ZNF136: variants seen among roughly 807,000 people sequenced by gnomAD.
ZNF136 encodes zinc finger protein 136 (clone pHZ-20).
In ZNF136, 8 loss-of-function variants were observed where a neutral mutation model predicts 11.4. The observed-to-expected ratio is 0.70, with a 90% confidence interval of 0.41 to 1.27. The LOEUF (loss-of-function observed/expected upper bound fraction) is 1.27. Among genes scored for constraint, ZNF136 ranks in the 50% most tolerant of loss-of-function variants. The probability of loss-of-function intolerance (pLI) is 0.01; values close to 1 mark genes in which losing one functional copy is unlikely to be tolerated. For missense variants in ZNF136, 590 were observed against 656.5 expected, an observed-to-expected ratio of 0.90 and a Z score of 1.11; for synonymous variants, 190 against 207.1, an observed-to-expected ratio of 0.92 and a Z score of 0.71.
At chr19:12,166,537 T>C (rs1325407093) in intron 1 of ZNF136, among the ~76,000 whole-genome samples, 1 of 152,212 alleles carries the variant, frequency 6.6e-6, no homozygotes, top group African/African-American at 2.4e-5. Flanking sequence ...GTGGAGAATT[T>C]GTGACGGTGA....
rs1236999350 is a variant in ZNF136, at chr19:12,186,494, T to G, written c.192-76T>G. 1.7e-4 allele frequency: 219 copies of G among 1,256,818 alleles called. 2 individuals are homozygous for G. The highest frequency in any genetic ancestry group is 2.0e-5 in the Non-Finnish European group (18 of 917,508). The allele number at this position is 1,256,818 out of a possible 1,614,324, so 77.9% of individuals were successfully genotyped here. A position where few individuals can be genotyped will look rare whatever the true frequency, so the allele number is the denominator to read the frequency against. On this transcript the variant is annotated intron_variant, in intron 3 of 3. Coordinates refer to ENST00000343979, the MANE Select transcript of ZNF136 (RefSeq NM_003437.5). Reference sequence around the variant, plus strand: ...GAGTCTACGCTTTACCTGATAATATTGAAAATGCAAGTTTAATAGCTATTA... The same window carrying G: ...GAGTCTACGCTTTACCTGATAATATGGAAAATGCAAGTTTAATAGCTATTA...
At chr19:12,169,665 A>G (rs1172240843) in intron 1 of ZNF136, among the ~76,000 whole-genome samples, 2 of 150,768 alleles carry the variant, frequency 1.3e-5, no homozygotes, top group Non-Finnish European at 2.9e-5. Context: ...CTAGAGTGCA[A>G]TGGAGCGATC....
At position 12,188,078 on chromosome 19, in the gene ZNF136, A is replaced by C; in HGVS notation, c.*77A>C. 2 of 1,306,714 alleles carry C rather than the reference A, an allele frequency of 1.5e-6. No homozygotes were observed. The highest frequency in any genetic ancestry group is 2.0e-6 in the Non-Finnish European group (2 of 987,490). The allele number at this position is 1,306,714 out of a possible 1,614,324, so 80.9% of individuals were successfully genotyped here. Reference sequence around the variant, plus strand: ...ATGAATGTAAGTAACGTGGGAAAGCATGAAATTCTGTCAGTGCCTTTTTTA... The same window carrying C: ...ATGAATGTAAGTAACGTGGGAAAGCCTGAAATTCTGTCAGTGCCTTTTTTA... On this transcript the variant is annotated 3_prime_UTR_variant, in exon 4 of 4. Coordinates refer to ENST00000343979, the MANE Select transcript of ZNF136 (RefSeq NM_003437.5).
At chr19:12,167,019 G>A (rs1977196605) in intron 1 of ZNF136, among the ~76,000 whole-genome samples, 1 of 152,214 alleles carries the variant, frequency 6.6e-6, no homozygotes, top group African/African-American at 2.4e-5. Flanking sequence ...ATAGGAAGGG[G>A]CAAACAGATT....
chr19:12,182,202 G>T (rs1914960208), intron 1 of ZNF136, among the ~76,000 whole-genome samples: 1 of 152,234 alleles, frequency 6.6e-6, no homozygotes, highest in African/African-American at 2.4e-5. Context: ...TGAGAGGTAA[G>T]CAGAGAATAA....
At chr19:12,179,208 T>C (rs957540795) in intron 1 of ZNF136, among the ~76,000 whole-genome samples, 1 of 152,026 alleles carries the variant, frequency 6.6e-6, no homozygotes, top group Non-Finnish European at 1.5e-5. Flanking sequence ...CCATAGCTCC[T>C]GTCAAAGAAG....
At chr19:12,176,437 C>T (rs1168600730) in intron 1 of ZNF136, among the ~76,000 whole-genome samples, 6 of 152,068 alleles carry the variant, frequency 3.9e-5, no homozygotes, top group African/African-American at 1.4e-4. Context: ...AGCGATTCTC[C>T]TGCTTCAGCC....
At chr19:12,170,836 ATTTT>A (rs1195624356) in intron 1 of ZNF136, among the ~76,000 whole-genome samples, 1 of 133,782 alleles carries the variant, frequency 7.5e-6, no homozygotes, top group Non-Finnish European at 1.6e-5. Context: ...CACCCAGCTA[ATTTT>A]TTTTTTTTTT....
In ZNF136 at chr19:12,184,908, G is replaced by A. The variant is rs560455098; in HGVS notation, c.4-877G>A. On this transcript the variant is annotated intron_variant, in intron 1 of 3. Coordinates refer to ENST00000343979, the MANE Select transcript of ZNF136 (RefSeq NM_003437.5). ...CCCAAATCCGTTTCCCAGATACCAG[G>A]AATGGATGTGATGCAGGACAGGTGC... is the stretch of plus-strand genomic sequence containing the variant. 3 of 152,308 alleles carry A rather than the reference G, an allele frequency of 2.0e-5. No individual in the cohort carries two copies. The East Asian group carries it at 5.8e-4, about 29-fold the overall frequency. 9.4% of individuals were successfully genotyped at this position (152,308 alleles called of 1,614,324 possible).
At chr19:12,181,156 G>A (rs916240920) in intron 1 of ZNF136, among the ~76,000 whole-genome samples, 26 of 152,200 alleles carry the variant, frequency 1.7e-4, no homozygotes, top group African/African-American at 5.8e-4. Context: ...CGTGGTAGCC[G>A]GAGGGAGGAC....
At position 12,179,475 on chromosome 19, in the gene ZNF136, T is replaced by C. The variant is rs146135670; in HGVS notation, c.4-6310T>C. On this transcript the variant is annotated intron_variant, in intron 1 of 3. Transcript: ENST00000343979. The stretch of plus-strand genomic sequence containing the variant: ...ACAGGCACAGGTCACCATGCCTGGT[T>C]AATTTTTGTATTTTTTATAGAGACG... Among the ~76,000 whole-genome samples the C allele has an allele frequency of 7.4e-3, 1,133 of 152,086 alleles. 15 individuals carry two copies. The highest frequency in any genetic ancestry group is 0.067 in the South Asian group (324 of 4,818).
chr19:12,186,971 G>A lies in ZNF136; in HGVS notation c.593G>A (p.Cys198Tyr). 1 of 1,614,096 alleles carries A rather than the reference G, an allele frequency of 6.2e-7. No individual in the cohort carries two copies. The highest frequency in any genetic ancestry group is 8.5e-7 in the Non-Finnish European group (1 of 1,180,008). The change falls in exon 4 of 4, where the codon TGT becomes TAT. Residue 198 changes from cysteine to tyrosine, a missense_variant. Coordinates refer to ENST00000343979, the MANE Select transcript of ZNF136 (RefSeq NM_003437.5). ...CACAGTGGATATACACCATATAAAT[G>A]TAAGGTGTGTGGGAAAGCTTTTGAT... ...ITHSGYTPYK[C>Y]KVCGKAFDYP... is the part of the protein sequence containing the mutation.
intron 1 of ZNF136, among the ~76,000 whole-genome samples, chr19:12,172,968 C>T (rs1018879288): frequency 1.1e-4 from 16 of 152,120 alleles, no homozygotes; most frequent in African/African-American, 3.4e-4. Flanking sequence ...GCCGAGATTG[C>T]GTCACTGCAC....
intron 1 of ZNF136, 129 bp from the exon 2 acceptor site, chr19:12,185,656 A>G: frequency 3.3e-6 from 4 of 1,217,192 alleles, no homozygotes; most frequent in Non-Finnish European, 4.5e-6. Flanking sequence ...GGAAGTGAGT[A>G]TGATGACCAA....
In ZNF136 at chr19:12,187,259, C is replaced by G; in HGVS notation, c.881C>G (p.Thr294Ser). The G allele has an allele frequency of 6.2e-7, 1 of 1,613,938 alleles. No homozygotes were observed. Among genetic ancestry groups the G allele is most frequent in the Non-Finnish European group, 8.5e-7 (1 of 1,179,948 alleles). ...QCGKAFSCSP[T>S]LRIHERTHTG... ...GGTAAAGCCTTCAGTTGTTCCCCAA[C>G]CTTACGAATACATGAAAGAACCCAT... is the stretch of plus-strand genomic sequence containing the variant. The change falls in exon 4 of 4, where the codon ACC becomes AGC. Residue 294 changes from threonine (T) to serine (S), a missense_variant. Transcript: ENST00000343979.
At chr19:12,170,227 C>T (rs1914617785) in intron 1 of ZNF136, among the ~76,000 whole-genome samples, 2 of 152,000 alleles carry the variant, frequency 1.3e-5, no homozygotes, top group Admixed American at 6.5e-5. Flanking sequence ...CGCGCCCGGC[C>T]TTTTGTGGTT....
chr19:12,179,678 T>A (rs1914892293), intron 1 of ZNF136, among the ~76,000 whole-genome samples: 1 of 152,120 alleles, frequency 6.6e-6, no homozygotes, highest in East Asian at 1.9e-4. Context: ...GCAAGAAGCT[T>A]CTCTGGATTG....
intron 1 of ZNF136, 27 bp downstream of exon 1, chr19:12,163,233 A>T (rs775041155): frequency 7.3e-7 from 1 of 1,375,478 alleles, no homozygotes; most frequent in Admixed American, 2.9e-5. Context: ...CTGCGTCCCG[A>T]GACAGGGAGG....
In ZNF136 at chr19:12,174,322, G is replaced by A. The variant is rs142394241; in HGVS notation, c.3+11116G>A. 2.2e-3 allele frequency among the ~76,000 whole-genome samples: 342 copies of A among 152,316 alleles called. 1 individual carries two copies. Among genetic ancestry groups the A allele is most frequent in the African/African-American group, 7.7e-3 (320 of 41,584 alleles). On this transcript the variant is annotated intron_variant, in intron 1 of 3. Coordinates refer to ENST00000343979, the MANE Select transcript of ZNF136 (RefSeq NM_003437.5). ...TGTGTTTTTTTCACTTAGATGATAT[G>A]CAGAGGGTTGAATATTCTCTTGTAG...
Sources: gnomAD v4.1 joint callset for allele counts (sites outside exome capture counted in the v4.1 genomes callset) on GRCh38, gnomAD v4.1.1 for gene constraint, MANE v1.5 for transcripts, NCBI Gene and HGNC (gene_info 2026-07-23, HGNC 2026-07-21) for gene names.